The following PDE1C variants were observed in gnomAD, a reference collection of about 807,000 sequenced individuals.
PDE1C encodes phosphodiesterase 1C.
In PDE1C, 62 loss-of-function variants were observed where a neutral mutation model predicts 93.1. That is an observed-to-expected ratio of 0.67 (90% confidence interval 0.54 to 0.82). The LOEUF (loss-of-function observed/expected upper bound fraction) is 0.82. Ranked by LOEUF, PDE1C falls within the 40% of genes least tolerant of loss-of-function variation. The probability of loss-of-function intolerance (pLI) is 0.00; values close to 1 mark genes in which losing one functional copy is unlikely to be tolerated. For missense variants in PDE1C, 742 were observed against 884.6 expected (o/e 0.84, Z 2.04); for synonymous variants, 325 against 310.1 (o/e 1.05, Z -0.50).
At chr7:32,165,245 T>C (rs1310619059) in intron 3 of PDE1C, among the ~76,000 whole-genome samples, 2 of 152,178 alleles carry the variant, frequency 1.3e-5, no homozygotes, top group African/African-American at 4.8e-5. Flanking sequence ...GAATACAAAA[T>C]TAATACTTAC....
At chr7:32,275,294 T>A (rs1811206402) in intron 1 of PDE1C, among the ~76,000 whole-genome samples, 1 of 151,794 alleles carries the variant, frequency 6.6e-6, no homozygotes, top group African/African-American at 2.4e-5. Flanking sequence ...TCCAAGCTAA[T>A]GAGGAAAAAA....
chr7:32,304,527 C>A (rs1017414131), intron 1 of PDE1C, among the ~76,000 whole-genome samples: 2 of 151,952 alleles, frequency 1.3e-5, no homozygotes, highest in Non-Finnish European at 2.9e-5. Flanking sequence ...AAACATGGCT[C>A]CATAGCAAAT....
intron 1 of PDE1C, among the ~76,000 whole-genome samples, chr7:32,413,912 A>G (rs540895445): frequency 6.6e-6 from 1 of 152,244 alleles, no homozygotes; most frequent in South Asian, 2.1e-4. Context: ...CCCCAAATCC[A>G]TCAATTAAAG....
intron 1 of PDE1C, among the ~76,000 whole-genome samples, chr7:32,383,931 G>T (rs1562700218): frequency 6.6e-6 from 1 of 152,154 alleles, no homozygotes; most frequent in Non-Finnish European, 1.5e-5. Flanking sequence ...TGAGGAAATA[G>T]TTCCCATTGC....
Position 31,906,818 on chromosome 7 carries a change from G to A in PDE1C, c.129-25958C>T, listed in dbSNP as rs546427501. 5.3e-5 allele frequency among the ~76,000 whole-genome samples: 8 copies of A among 152,178 alleles called. No individual in the cohort carries two copies. The South Asian group carries it at 1.7e-3, about 32-fold the overall frequency. On this transcript the variant is annotated intron_variant, in intron 2 of 17. Coordinates refer to ENST00000396191, the MANE Select transcript of PDE1C (RefSeq NM_001191057.4). ...ACCCAATATTTCCATTTCTTCTTTG[G>A]TAAAATAGGAATAAGAGTATCTTCC...
chr7:31,758,010 A>G (rs968863760), intron 17 of PDE1C, among the ~76,000 whole-genome samples: 5 of 152,222 alleles, frequency 3.3e-5, no homozygotes, highest in African/African-American at 1.2e-4. Context: ...ACATGGATGA[A>G]GCTGGAAACC....
the PDE1C span, among the ~76,000 whole-genome samples, chr7:31,716,889 A>T: frequency 6.6e-6 from 1 of 152,222 alleles, no homozygotes; most frequent in Admixed American, 6.5e-5. Context: ...CTCGCTGCAG[A>T]GCCAGAGGAA....
chr7:31,653,720 T>C, the PDE1C span: 1 of 152,252 alleles, frequency 6.6e-6, no homozygotes, highest in Non-Finnish European at 1.5e-5. Flanking sequence ...CTTCATAATT[T>C]TGGGGTCCTG....
chr7:32,214,217 G>A (rs199784540), intron 1 of PDE1C, among the ~76,000 whole-genome samples: 1 of 150,824 alleles, frequency 6.6e-6, no homozygotes, highest in South Asian at 2.1e-4. Flanking sequence ...TAAAAAACAT[G>A]TATATATATA....
chr7:32,014,878 T>C (rs764863889), intron 2 of PDE1C, among the ~76,000 whole-genome samples: 8 of 152,172 alleles, frequency 5.3e-5, no homozygotes, highest in Non-Finnish European at 8.8e-5. Context: ...TGGTTAGGCT[T>C]TGTGCCCCCA....
intron 2 of PDE1C, among the ~76,000 whole-genome samples, chr7:31,908,925 A>G (rs954122664): frequency 2.0e-5 from 3 of 152,210 alleles, no homozygotes; most frequent in Non-Finnish European, 4.4e-5. Flanking sequence ...AAAGGCCTTA[A>G]AGCATAACTG....
intron 1 of PDE1C, among the ~76,000 whole-genome samples, chr7:32,345,850 G>T (rs534164392): frequency 6.6e-6 from 1 of 152,148 alleles, no homozygotes; most frequent in African/African-American, 2.4e-5. Flanking sequence ...ATAATAACAA[G>T]AATTGGTGAG....
At chr7:32,209,643 T>C (rs766405232) in intron 1 of PDE1C, 6 of 969,572 alleles carry the variant, frequency 6.2e-6, no homozygotes, top group Non-Finnish European at 9.1e-6. Flanking sequence ...TCGGGCTGTA[T>C]TTAAGAGTCT....
intron 1 of PDE1C, among the ~76,000 whole-genome samples, chr7:32,231,316 T>TAC (rs146711222): frequency 1.3e-5 from 2 of 151,886 alleles, no homozygotes; most frequent in African/African-American, 4.8e-5. Context: ...CCAACATAAA[T>TAC]ACACACACAC....
intron 2 of PDE1C, chr7:32,170,043 G>A (rs1198857713): frequency 1.7e-6 from 2 of 1,146,400 alleles, no homozygotes; most frequent in Non-Finnish European, 2.5e-6. Flanking sequence ...ATCTTCCAAA[G>A]CAGAGCAGGG....
intron 1 of PDE1C, among the ~76,000 whole-genome samples, chr7:32,376,912 C>T (rs935938436): frequency 1.3e-5 from 2 of 152,140 alleles, no homozygotes; most frequent in African/African-American, 4.8e-5. Context: ...TGGTCTCGAT[C>T]TCCTGACCTC....
At chr7:32,320,955 C>T (rs1290974907) in intron 1 of PDE1C, among the ~76,000 whole-genome samples, 2 of 152,156 alleles carry the variant, frequency 1.3e-5, no homozygotes, top group Non-Finnish European at 2.9e-5. Context: ...ATGTGCATCA[C>T]AGACCTAGGT....
At chr7:31,994,019 CCATGTTGCTA>C (rs1284030745) in intron 2 of PDE1C, among the ~76,000 whole-genome samples, 1 of 152,054 alleles carries the variant, frequency 6.6e-6, no homozygotes, top group Non-Finnish European at 1.5e-5. Flanking sequence ...AGTGGAAATT[CCATGTTGCTA>C]CTGAATCAGT....
intron 2 of PDE1C, among the ~76,000 whole-genome samples, chr7:31,905,462 A>G (rs1175169133): frequency 1.3e-5 from 2 of 152,194 alleles, no homozygotes; most frequent in Non-Finnish European, 2.9e-5. Context: ...TATCTTGTAT[A>G]AAGAATCAGT....
Sources: gnomAD v4.1 joint callset for allele counts (sites outside exome capture counted in the v4.1 genomes callset) on GRCh38, gnomAD v4.1.1 for gene constraint, MANE v1.5 for transcripts, NCBI Gene and HGNC (gene_info 2026-07-23, HGNC 2026-07-21) for gene names.